Variants in MAST2 observed in about 807,000 individuals in gnomAD.
The protein encoded by MAST2 is microtubule-associated serine/threonine-protein kinase 2.
In MAST2, 70 loss-of-function variants were observed where a neutral mutation model predicts 147.4. The ratio of observed to expected loss-of-function variants is 0.47; its 90% CI spans 0.39 to 0.58. The LOEUF is 0.58. Among genes scored for constraint, MAST2 ranks in the 20% least tolerant of loss-of-function variants. The pLI is 0.00. For missense variants in MAST2, 2,080 were observed against 2,302.3 expected, an observed-to-expected ratio of 0.90 and a Z score of 1.98; for synonymous variants, 869 against 896.8, an observed-to-expected ratio of 0.97 and a Z score of 0.55.
At chr1:45,948,706 CAAAAAAAAA>C (rs34012353) in intron 4 of MAST2, among the ~76,000 whole-genome samples, 13 of 40,254 alleles carry the variant, frequency 3.2e-4, no homozygotes, top group Admixed American at 1.4e-3. Context: ...GACTCCATCT[CAAAAAAAAA>C]AAAAAAAAAA....
intron 4 of MAST2, among the ~76,000 whole-genome samples, chr1:45,955,773 T>A (rs1570918127): frequency 6.6e-6 from 1 of 151,682 alleles, no homozygotes; most frequent in South Asian, 2.1e-4. Context: ...GGGAGAGAGG[T>A]CATGGAGAAT....
intron 7 of MAST2, among the ~76,000 whole-genome samples, chr1:46,005,594 C>T (rs1645453356): frequency 6.6e-6 from 1 of 152,176 alleles, no homozygotes; most frequent in Admixed American, 6.5e-5. Context: ...GTGAGGAATC[C>T]TCAGTCACTG....
At chr1:45,936,048 T>G (rs1180118180) in intron 4 of MAST2, among the ~76,000 whole-genome samples, 1 of 152,230 alleles carries the variant, frequency 6.6e-6, no homozygotes. Flanking sequence ...TTCCCATTTG[T>G]TTGTGTCATT....
intron 10 of MAST2, among the ~76,000 whole-genome samples, chr1:46,015,138 A>G: frequency 6.6e-6 from 1 of 151,620 alleles, no homozygotes; most frequent in Non-Finnish European, 1.5e-5. Flanking sequence ...GAGAACAAAG[A>G]CACAACATAC....
intron 5 of MAST2, among the ~76,000 whole-genome samples, chr1:45,973,800 T>C (rs988443057): frequency 2.6e-5 from 4 of 152,186 alleles, no homozygotes; most frequent in Non-Finnish European, 4.4e-5. Flanking sequence ...CCAAATGATA[T>C]AGACAGATCA....
chr1:45,918,143 AAT>A lies in MAST2; in HGVS notation c.500+35750_500+35751del, dbSNP rs555689275. 5.3e-5 allele frequency among the ~76,000 whole-genome samples: 8 copies of A among 152,314 alleles called. No homozygotes were observed. The South Asian group carries it at 6.2e-4, about 12-fold the overall frequency. Reference sequence around the variant, plus strand: ...ACGGATAGACAGTGCTTCTGAGAAAAATAAAGTAGGATAAGAGAATGTAGAGG... The same window carrying A: ...ACGGATAGACAGTGCTTCTGAGAAAAAAAGTAGGATAAGAGAATGTAGAGG... On this transcript the variant is annotated intron_variant, in intron 4 of 28. Transcript: ENST00000361297.
rs376950376 is a variant in MAST2 at position 45,837,998 on chromosome 1, C to T, written c.468+8417C>T. On this transcript the variant is annotated intron_variant, in intron 3 of 28. Transcript: ENST00000361297. ...TTCGCCGTGTTGGTCAAGCTTGTCT[C>T]GAACTCCTGACCTCAGGGGATCCAC... Among the ~76,000 whole-genome samples the T allele has an allele frequency of 5.3e-5, 8 of 152,058 alleles. No individual in the cohort carries two copies. The South Asian group carries it at 6.2e-4, about 12-fold the overall frequency.
At chr1:45,947,749 C>CTCTG (rs1658289517) in intron 4 of MAST2, among the ~76,000 whole-genome samples, 1 of 152,232 alleles carries the variant, frequency 6.6e-6, no homozygotes, top group Admixed American at 6.5e-5. Flanking sequence ...CGGAGTCTCG[C>CTCTG]TCTGTCGCCC....
In MAST2 at chr1:46,034,360, C is replaced by G. The variant is rs1357456793; in HGVS notation, c.3868+94C>G. The G allele has an allele frequency of 5.0e-6, 7 of 1,406,694 alleles. No homozygotes were observed. The African/African-American group carries it at 1.0e-4, about 20-fold the overall frequency. The allele number at this position is 1,406,694 out of a possible 1,614,324, so 87.1% of individuals were successfully genotyped here. A position where few individuals can be genotyped will look rare whatever the true frequency, so the allele number is the denominator to read the frequency against. On this transcript the variant is annotated intron_variant, in intron 28 of 28. Coordinates refer to ENST00000361297, the MANE Select transcript of MAST2 (RefSeq NM_015112.3). ...TTCTGACAGATCCCACTCTGAGTCT[C>G]TCATTTAGCCCACCCCCTGAAAGAT... is the stretch of plus-strand genomic sequence containing the variant.
intron 3 of MAST2, among the ~76,000 whole-genome samples, chr1:45,849,535 T>C (rs1645554457): frequency 6.6e-6 from 1 of 151,756 alleles, no homozygotes; most frequent in Non-Finnish European, 1.5e-5. Flanking sequence ...CTTTTCTTTT[T>C]TTTTTTTTTG....
intron 5 of MAST2, among the ~76,000 whole-genome samples, chr1:45,971,939 C>T (rs1377154341): frequency 6.6e-6 from 1 of 152,116 alleles, no homozygotes; most frequent in African/African-American, 2.4e-5. Flanking sequence ...TTGTTTGTTA[C>T]ATATCATCTA....
chr1:45,882,234 A>T, intron 3 of MAST2, 130 bp from the exon 4 acceptor site: 1 of 571,614 alleles, frequency 1.7e-6, no homozygotes, highest in Non-Finnish European at 3.1e-6. Flanking sequence ...GCAAAGAAAA[A>T]GTTGTTATTT....
At chr1:45,859,620 C>T (rs1364209671) in intron 3 of MAST2, among the ~76,000 whole-genome samples, 1 of 152,108 alleles carries the variant, frequency 6.6e-6, no homozygotes, top group Admixed American at 6.5e-5. Flanking sequence ...TTTCATTGTG[C>T]TTATCTTGGC....
chr1:46,024,201 G>A (rs996582350), intron 15 of MAST2: 1 of 538,842 alleles, frequency 1.9e-6, no homozygotes, highest in African/African-American at 1.9e-5. Flanking sequence ...ATAGGATGTA[G>A]CAGGCCAGCA....
At chr1:45,878,840 G>A (rs1156656766) in intron 3 of MAST2, among the ~76,000 whole-genome samples, 2 of 151,716 alleles carry the variant, frequency 1.3e-5, no homozygotes, top group African/African-American at 4.8e-5. Flanking sequence ...TAAAGAACTC[G>A]GTAAATGGAG....
At chr1:45,964,843 C>T (rs1660942757) in intron 5 of MAST2, among the ~76,000 whole-genome samples, 1 of 152,024 alleles carries the variant, frequency 6.6e-6, no homozygotes. Flanking sequence ...CCTGCTTTCT[C>T]TTGTGGGCAT....
At chr1:45,982,841 T>C (rs1295950882) in intron 5 of MAST2, among the ~76,000 whole-genome samples, 1 of 152,192 alleles carries the variant, frequency 6.6e-6, no homozygotes, top group East Asian at 1.9e-4. Flanking sequence ...AGGACTTTGC[T>C]CTTAAACTGT....
In MAST2 at chr1:46,028,788, C is replaced by T; in HGVS notation, c.2073C>T (p.Tyr691=). 6.2e-6 allele frequency: 10 copies of T among 1,614,182 alleles called. No homozygotes were observed. The highest frequency in any genetic ancestry group is 8.5e-6 in the Non-Finnish European group (10 of 1,180,030). The stretch of plus-strand genomic sequence containing the variant: ...CCCAGGTATGCGGGACCCCAGAATA[C>T]ATTGCGCCTGAGGTGATCCTGCGCC... The part of the protein sequence containing the change: ...LDKQVCGTPE[Y]IAPEVILRQG... Residue 691 remains tyrosine (Y), a synonymous_variant, in exon 18 of 29, where the codon TAC becomes TAT. Coordinates refer to ENST00000361297, the MANE Select transcript of MAST2 (RefSeq NM_015112.3).
chr1:45,899,408 G>C (rs1649369076), intron 4 of MAST2, among the ~76,000 whole-genome samples: 1 of 144,382 alleles, frequency 6.9e-6, no homozygotes, highest in Non-Finnish European at 1.5e-5. Flanking sequence ...GAACCCATCA[G>C]CCAAATAGTG....
Sources: allele counts gnomAD v4.1 joint callset (sites outside exome capture counted in the v4.1 genomes callset), GRCh38; gene constraint gnomAD v4.1.1; transcripts MANE v1.5; gene names NCBI Gene and HGNC (gene_info 2026-07-23, HGNC 2026-07-21).